ZNF395: variants seen among roughly 807,000 people sequenced by gnomAD.
ZNF395 encodes the protein HD gene regulatory region-binding protein 2.
A neutral mutation model predicts 57.7 loss-of-function variants in ZNF395; 20 were observed. The observed-to-expected ratio is 0.35, with a 90% CI of 0.24 to 0.50. The LOEUF is 0.50. Ranked by LOEUF, ZNF395 falls within the 20% of genes least tolerant of loss-of-function variation. The probability of loss-of-function intolerance (pLI) is 0.97; values close to 1 mark genes in which losing one functional copy is unlikely to be tolerated. For missense variants in ZNF395, 606 were observed against 671.2 expected (o/e 0.90, Z 1.07); for synonymous variants, 295 against 275.9 (o/e 1.07, Z -0.69).
intron 1 of ZNF395, among the ~76,000 whole-genome samples, chr8:28,362,628 G>GC (rs1271577143): frequency 6.9e-6 from 1 of 144,910 alleles, no homozygotes; most frequent in East Asian, 2.2e-4. Flanking sequence ...AGCTGCATAA[G>GC]CCTTCTTTCC....
In ZNF395 at chr8:28,359,779, G is replaced by T; in HGVS notation, c.286C>A (p.Gln96Lys). Residue 96 changes from glutamine to lysine, a missense_variant, in exon 3 of 10, where the codon CAG (glutamine) becomes AAG (lysine). By Grantham distance (53) the Gln-to-Lys change is moderately conservative. Coordinates refer to ENST00000344423, the MANE Select transcript of ZNF395 (RefSeq NM_018660.3). The surrounding 1 kb of genome is among the most constrained non-coding windows in gnomAD (Gnocchi z 4.7). ...GGQECTGLVE[Q>K]HSWMEGQVTV... ...ACCTGACCCTCCATCCAGCTGTGCT[G>T]CTCCACCAGTCCTGTGCACTCTTGA... 5 of 1,614,086 alleles carry T rather than the reference G, an allele frequency of 3.1e-6. No homozygotes were observed. The highest frequency in any genetic ancestry group is 4.2e-6 in the Non-Finnish European group (5 of 1,180,046).
rs1291901255 is a variant in ZNF395, at chr8:28,359,863, A to ATGGG, written c.241-43_241-40dup. ...GACAGCAGTTAGTGGTCAGCCCTGG[A>ATGGG]TGGGTCTCGCCCTGAAGTTCTCATG... On this transcript the variant is annotated intron_variant, in intron 2 of 9. Transcript: ENST00000344423. The surrounding 1 kb of genome is among the most constrained non-coding windows in gnomAD (Gnocchi z 4.7). The ATGGG allele has an allele frequency of 1.3e-6, 2 of 1,594,136 alleles. No individual in the cohort carries two copies. Among genetic ancestry groups the ATGGG allele is most frequent in the Non-Finnish European group, 1.7e-6 (2 of 1,165,856 alleles).
rs1387632743 is a variant in ZNF395, at chr8:28,348,155, A to G, written c.*564T>C. The G allele has an allele frequency of 2.0e-5, 3 of 152,000 alleles. No individual in the cohort carries two copies. Among genetic ancestry groups the G allele is most frequent in the African/African-American group, 7.3e-5 (3 of 41,378 alleles). The allele number at this position is 152,000 out of a possible 1,614,324, so 9.4% of individuals were successfully genotyped here. ...AAGGGATTTCCTTTGACTTCCATGC[A>G]GGATGCTCAGACAGGGAACAGGAGG... On this transcript the variant is annotated 3_prime_UTR_variant, in exon 10 of 10. Transcript: ENST00000344423.
At position 28,359,640 on chromosome 8, in the gene ZNF395, T is replaced by C. The variant is rs1801824047; in HGVS notation, c.425A>G (p.Gln142Arg). 6.2e-7 allele frequency: 1 copy of C among 1,612,534 alleles called. No individual in the cohort carries two copies. Among genetic ancestry groups the C allele is most frequent in the Non-Finnish European group, 8.5e-7 (1 of 1,179,048 alleles). Residue 142 changes from glutamine to arginine, a missense_variant, in exon 3 of 10, where the codon CAG becomes CGG. Transcript: ENST00000344423. The surrounding 1 kb of genome is among the most constrained non-coding windows in gnomAD (Gnocchi z 4.7). The stretch of plus-strand genomic sequence containing the variant: ...GGAGACGGGCCTGTAGGCCAGGGCC[T>C]GGGCTCCGGGCTCCAGGGGTGGTGC... ...PQAPPLEPGA[Q>R]ALAYRPVSRN... is the part of the protein sequence containing the mutation.
At chr8:28,381,174 T>C (rs1585866907) in intron 1 of ZNF395, among the ~76,000 whole-genome samples, 1 of 152,156 alleles carries the variant, frequency 6.6e-6, no homozygotes, top group Non-Finnish European at 1.5e-5. Flanking sequence ...CCCGAGCAGC[T>C]TGGACTACAG....
At position 28,347,918 on chromosome 8, in the gene ZNF395, C is replaced by A. The variant is rs1419258144; in HGVS notation, c.*801G>T. 6.6e-6 allele frequency: 1 copy of A among 152,210 alleles called. No individual in the cohort carries two copies. Among genetic ancestry groups the A allele is most frequent in the Non-Finnish European group, 1.5e-5 (1 of 68,046 alleles). 9.4% of individuals were successfully genotyped at this position (152,210 alleles called of 1,614,324 possible). On this transcript the variant is annotated 3_prime_UTR_variant, in exon 10 of 10. Coordinates refer to ENST00000344423, the MANE Select transcript of ZNF395 (RefSeq NM_018660.3). ...AGAGTTTCCAGACGCTCAAACCCTC[C>A]AGGAGTTCCTCGAGGAAAGAGGAGA...
chr8:28,362,016 A>C (rs1801855875), intron 1 of ZNF395, among the ~76,000 whole-genome samples: 1 of 151,640 alleles, frequency 6.6e-6, no homozygotes, highest in Non-Finnish European at 1.5e-5. Flanking sequence ...GCTTGAACCC[A>C]GGAGGCGGGA....
chr8:28,355,034 G>A (rs567846723), intron 4 of ZNF395, among the ~76,000 whole-genome samples: 2 of 151,962 alleles, frequency 1.3e-5, no homozygotes, highest in South Asian at 2.1e-4. Flanking sequence ...AAAGCAAAAC[G>A]TTATCTATAA....
chr8:28,371,125 G>A (rs1037695141), intron 1 of ZNF395, among the ~76,000 whole-genome samples: 18 of 152,184 alleles, frequency 1.2e-4, no homozygotes, highest in Non-Finnish European at 2.6e-4. Context: ...CCAAGGCCAC[G>A]AAGCTAGAAA....
chr8:28,350,987 T>C (rs773891587), intron 7 of ZNF395, among the ~76,000 whole-genome samples: 7 of 152,240 alleles, frequency 4.6e-5, no homozygotes, highest in African/African-American at 1.2e-4. Context: ...GACTGGTTAT[T>C]ATAATTAACC....
Position 28,347,837 on chromosome 8 carries a change from C to G in ZNF395, c.*882G>C, listed in dbSNP as rs1014382411. 2 of 152,246 alleles carry G rather than the reference C, an allele frequency of 1.3e-5. No homozygotes were observed. Among genetic ancestry groups the G allele is most frequent in the African/African-American group, 4.8e-5 (2 of 41,446 alleles). The allele number at this position is 152,246 out of a possible 1,614,324, so 9.4% of individuals were successfully genotyped here. ...GAAAACAAAGCATTTCTGAGGCGTC[C>G]TTTCAATAACCGGAGGAAGGCGGCG... On this transcript the variant is annotated 3_prime_UTR_variant, in exon 10 of 10. Transcript: ENST00000344423.
intron 1 of ZNF395, among the ~76,000 whole-genome samples, chr8:28,374,353 G>A (rs1802012383): frequency 6.6e-6 from 1 of 152,180 alleles, no homozygotes; most frequent in South Asian, 2.1e-4. Flanking sequence ...TCTGGGGAAG[G>A]GACTGGGATT....
rs1801635633 is a variant in ZNF395, at chr8:28,348,496, C to T, written c.*223G>A. ...AATAGCCTTGGTCAGTTTTGGCTCTCTCCTATTTTAGGGGGAAAAATATTT... is the reference window on the plus strand; with the variant it reads ...AATAGCCTTGGTCAGTTTTGGCTCTTTCCTATTTTAGGGGGAAAAATATTT... On this transcript the variant is annotated 3_prime_UTR_variant, in exon 10 of 10. Coordinates refer to ENST00000344423, the MANE Select transcript of ZNF395 (RefSeq NM_018660.3). 4.0e-6 allele frequency: 2 copies of T among 506,180 alleles called. No individual in the cohort carries two copies. The highest frequency in any genetic ancestry group is 4.1e-5 in the South Asian group (2 of 49,068). 31.4% of individuals were successfully genotyped at this position (506,180 alleles called of 1,614,324 possible).
Position 28,352,381 on chromosome 8 carries a change from G to A in ZNF395, c.920+192C>T, listed in dbSNP as rs1801726969. Among the ~76,000 whole-genome samples the A allele has an allele frequency of 6.6e-6, 1 of 152,208 alleles. No individual in the cohort carries two copies. The highest frequency in any genetic ancestry group is 6.5e-5 in the Admixed American group (1 of 15,286). On this transcript the variant is annotated intron_variant, in intron 6 of 9. Coordinates refer to ENST00000344423, the MANE Select transcript of ZNF395 (RefSeq NM_018660.3). This position sits in a 1 kb window ranked among gnomAD's most constrained non-coding sequence, Gnocchi z 4.0. Reference sequence around the variant, plus strand: ...AGAAGACACATCCCCAAGATGGACAGAGCTCCCTTCCCATCAACAGCAACA... The same window carrying A: ...AGAAGACACATCCCCAAGATGGACAAAGCTCCCTTCCCATCAACAGCAACA...
chr8:28,364,785 T>C (rs1282869152), intron 1 of ZNF395, among the ~76,000 whole-genome samples: 3 of 150,146 alleles, frequency 2.0e-5, no homozygotes, highest in Admixed American at 6.7e-5. Flanking sequence ...AAAGAAAAAA[T>C]AGCTCCTGAT....
intron 1 of ZNF395, among the ~76,000 whole-genome samples, chr8:28,362,045 T>G (rs1180994414): frequency 7.0e-6 from 1 of 143,108 alleles, no homozygotes; most frequent in African/African-American, 2.7e-5. Flanking sequence ...TGAGCCAAAA[T>G]CACACCACTG....
chr8:28,372,026 G>C (rs1801983182), intron 1 of ZNF395, among the ~76,000 whole-genome samples: 1 of 151,882 alleles, frequency 6.6e-6, no homozygotes, highest in South Asian at 2.1e-4. Flanking sequence ...CTGGGTGACA[G>C]AGTGAGACCC....
At chr8:28,351,904 C>T in intron 6 of ZNF395, 97 bp from the exon 7 acceptor site, 7 of 1,406,064 alleles carry the variant, frequency 5.0e-6, no homozygotes, top group Non-Finnish European at 5.7e-6. Flanking sequence ...CTTGAGGCCA[C>T]CCAGCAAGCC....
chr8:28,354,974 A>G (rs1217710026), intron 4 of ZNF395, among the ~76,000 whole-genome samples: 1 of 152,064 alleles, frequency 6.6e-6, no homozygotes, highest in South Asian at 2.1e-4. Flanking sequence ...GCTCAAATGC[A>G]TGAAATCTGC....
Sources: allele counts gnomAD v4.1 joint callset (sites outside exome capture counted in the v4.1 genomes callset), GRCh38; gene constraint gnomAD v4.1.1; non-coding constraint Gnocchi (gnomAD v3.1); transcripts MANE v1.5; gene names NCBI Gene and HGNC (gene_info 2026-07-23, HGNC 2026-07-21).